LOXHD1: variants seen among roughly 807,000 people sequenced by gnomAD.
The protein encoded by LOXHD1 is lipoxygenase homology PLAT domains 1, also known as lipoxygenase homology domain-containing protein 1.
LOXHD1 carries 205 observed loss-of-function variants against 248.2 expected under a neutral mutation model. The observed-to-expected ratio is 0.83, with a 90% confidence interval of 0.74 to 0.93. The LOEUF is 0.93. LOXHD1 is among the 40% of genes least tolerant of loss of function. LOXHD1 has a pLI of 0.00. For missense variants in LOXHD1, 2,930 were observed against 2,971.6 expected (o/e 0.99, Z 0.33); for synonymous variants, 1,113 against 1,162.8 (o/e 0.96, Z 0.87).
chr18:46,614,420 G>A (rs935830626), intron 5 of LOXHD1, among the ~76,000 whole-genome samples: 4 of 151,704 alleles, frequency 2.6e-5, no homozygotes, highest in African/African-American at 9.7e-5. Flanking sequence ...TCCTTTTTAC[G>A]GACGTGGATG....
chr18:46,573,656 T>C (rs537436165), intron 14 of LOXHD1, among the ~76,000 whole-genome samples: 1 of 151,782 alleles, frequency 6.6e-6, no homozygotes, highest in Non-Finnish European at 1.5e-5. Flanking sequence ...CAAACTGCAA[T>C]ACTCTCTGCT....
At chr18:46,508,705 G>A (rs2034747886) in intron 35 of LOXHD1, among the ~76,000 whole-genome samples, 2 of 152,256 alleles carry the variant, frequency 1.3e-5, no homozygotes, top group Non-Finnish European at 2.9e-5. Context: ...GTGTGACACG[G>A]AGGCTGCAGG....
chr18:46,575,751 A>G (rs951018527), intron 14 of LOXHD1, among the ~76,000 whole-genome samples: 1 of 152,086 alleles, frequency 6.6e-6, no homozygotes, highest in African/African-American at 2.4e-5. Flanking sequence ...CTGTCATTTA[A>G]GCCACCCAGT....
intron 24 of LOXHD1, 30 bp downstream of exon 24, chr18:46,542,697 A>G (rs1349220691): frequency 1.3e-6 from 2 of 1,551,106 alleles, no homozygotes; most frequent in Middle Eastern, 1.8e-4. Context: ...TTAAAGTCTT[A>G]GCAAGGAACA....
intron 4 of LOXHD1, among the ~76,000 whole-genome samples, chr18:46,620,162 T>A (rs1176985081): frequency 6.6e-6 from 1 of 152,228 alleles, no homozygotes; most frequent in Non-Finnish European, 1.5e-5. Context: ...ATTCTGCTTT[T>A]ACCATCTTCC....
intron 21 of LOXHD1, among the ~76,000 whole-genome samples, chr18:46,551,087 A>ATTTCT (rs776785813): frequency 6.7e-5 from 10 of 150,252 alleles, no homozygotes; most frequent in African/African-American, 9.8e-5. Context: ...TAACTCCTAA[A>ATTTCT]TTTCTTTTCT....
intron 7 of LOXHD1, among the ~76,000 whole-genome samples, chr18:46,601,884 C>T (rs1298194959): frequency 6.6e-6 from 1 of 152,194 alleles, no homozygotes; most frequent in Admixed American, 6.5e-5. Flanking sequence ...TGGAGATTTA[C>T]GTTCAGGGCT....
chr18:46,492,784 A>G (rs919207228), intron 37 of LOXHD1, among the ~76,000 whole-genome samples: 1 of 152,340 alleles, frequency 6.6e-6, no homozygotes, highest in African/African-American at 2.4e-5. Flanking sequence ...AAATATAAAT[A>G]CGGACTCATT....
chr18:46,518,816 A>T lies in LOXHD1; in HGVS notation c.5272-560T>A. 9 of 947,660 alleles carry T rather than the reference A, an allele frequency of 9.5e-6. No individual in the cohort carries two copies. In the South Asian group the frequency reaches 1.9e-4, roughly 21 times the overall value. The allele number at this position is 947,660 out of a possible 1,614,324, so 58.7% of individuals were successfully genotyped here. Reference sequence around the variant, plus strand: ...AAGCTCTGGGTGTCAGTTCCCCTTCATGCCACAGCCTGCACATGCCCTGCA... The same window carrying T: ...AAGCTCTGGGTGTCAGTTCCCCTTCTTGCCACAGCCTGCACATGCCCTGCA... On this transcript the variant is annotated intron_variant, in intron 33 of 40. Transcript: ENST00000642948.
intron 19 of LOXHD1, 40 bp from the exon 20 acceptor site, chr18:46,559,642 C>T (rs544659): frequency 5.2e-6 from 8 of 1,544,284 alleles, no homozygotes; most frequent in Non-Finnish European, 7.0e-6. Context: ...GGCCTCATGG[C>T]CATGGGGTGT....
At chr18:46,569,141 A>C (rs976825063) in intron 16 of LOXHD1, among the ~76,000 whole-genome samples, 3 of 151,964 alleles carry the variant, frequency 2.0e-5, no homozygotes, top group Non-Finnish European at 4.4e-5. Flanking sequence ...TTGGTCTTGG[A>C]TATGTAGGTA....
chr18:46,637,129 AGAGG>A (rs1383678387), intron 4 of LOXHD1, among the ~76,000 whole-genome samples: 5 of 151,778 alleles, frequency 3.3e-5, no homozygotes, highest in East Asian at 2.0e-4. Context: ...CTGGGCAACA[AGAGG>A]GAAACTCCGC....
chr18:46,619,465 T>A (rs1364165880), intron 4 of LOXHD1, among the ~76,000 whole-genome samples: 1 of 152,222 alleles, frequency 6.6e-6, no homozygotes, highest in African/African-American at 2.4e-5. Flanking sequence ...AAGTAAGGCT[T>A]CTAATTTCAA....
intron 2 of LOXHD1, among the ~76,000 whole-genome samples, chr18:46,642,470 C>A (rs1298462435): frequency 6.6e-6 from 1 of 152,182 alleles, no homozygotes; most frequent in Non-Finnish European, 1.5e-5. Context: ...ACTGGCCTTG[C>A]TTTTGCTGGG....
chr18:46,562,732 T>C (rs2037555073), intron 18 of LOXHD1, among the ~76,000 whole-genome samples: 1 of 152,182 alleles, frequency 6.6e-6, no homozygotes, highest in South Asian at 2.1e-4. Context: ...TTAGTATCCC[T>C]GGAGGAGCTT....
intron 5 of LOXHD1, among the ~76,000 whole-genome samples, chr18:46,611,794 T>C (rs1474795325): frequency 1.3e-5 from 2 of 152,170 alleles, no homozygotes; most frequent in African/African-American, 4.8e-5. Flanking sequence ...ATGACAGATA[T>C]GTCTAAGGCC....
At chr18:46,554,002 C>A (rs113754152) in intron 21 of LOXHD1, among the ~76,000 whole-genome samples, 1 of 152,272 alleles carries the variant, frequency 6.6e-6, no homozygotes, top group African/African-American at 2.4e-5. Context: ...AGCAGACCTG[C>A]GGGCTGAGCT....
At chr18:46,554,872 G>A (rs1187716934) in intron 21 of LOXHD1, among the ~76,000 whole-genome samples, 2 of 152,122 alleles carry the variant, frequency 1.3e-5, no homozygotes, top group African/African-American at 4.8e-5. Context: ...GTGTACCGGA[G>A]GGTAGCACTT....
intron 32 of LOXHD1, 149 bp from the exon 33 acceptor site, chr18:46,521,431 G>T (rs1326514740): frequency 1.3e-5 from 12 of 890,010 alleles, no homozygotes; most frequent in African/African-American, 3.3e-5. Context: ...AGATTTTGCA[G>T]ATATAATTAC....
Sources: gnomAD v4.1 joint callset for allele counts (sites outside exome capture counted in the v4.1 genomes callset) on GRCh38, gnomAD v4.1.1 for gene constraint, MANE v1.5 for transcripts, NCBI Gene and HGNC (gene_info 2026-07-23, HGNC 2026-07-21) for gene names.